The following PCDHA6 variants were observed in gnomAD, a reference collection of about 807,000 sequenced individuals.
PCDHA6 encodes the protein protocadherin alpha-6.
In PCDHA6, 55 loss-of-function variants were observed where a neutral mutation model predicts 60.3. The observed-to-expected ratio is 0.91, with a 90% CI of 0.73 to 1.14. The LOEUF (loss-of-function observed/expected upper bound fraction) is 1.14. Among genes scored for constraint, PCDHA6 ranks in the 50% most tolerant of loss-of-function variants. The pLI, the probability that PCDHA6 is intolerant of heterozygous loss-of-function variation, is 0.00. For missense variants in PCDHA6, 1,327 were observed against 1,256.5 expected, an observed-to-expected ratio of 1.06 and a Z score of -0.85; for synonymous variants, 652 against 557.9, an observed-to-expected ratio of 1.17 and a Z score of -2.38.
chr5:140,941,181 G>C (rs2092747130), intron 1 of PCDHA6, among the ~76,000 whole-genome samples: 1 of 114,608 alleles, frequency 8.7e-6, no homozygotes, highest in African/African-American at 3.2e-5. Flanking sequence ...TGAACATCCT[G>C]CTTCTTTTTT....
intron 1 of PCDHA6, chr5:140,882,756 G>T: frequency 6.2e-7 from 1 of 1,614,238 alleles, no homozygotes; most frequent in Non-Finnish European, 8.5e-7. Flanking sequence ...GCAGATATTG[G>T]AGTAAACTCG....
intron 1 of PCDHA6, among the ~76,000 whole-genome samples, chr5:140,893,391 G>A (rs1481818388): frequency 6.6e-6 from 1 of 152,158 alleles, no homozygotes; most frequent in Non-Finnish European, 1.5e-5. Context: ...AGTGGCTCAT[G>A]CCTGTAATCC....
intron 3 of PCDHA6, among the ~76,000 whole-genome samples, chr5:140,991,807 C>T (rs782693963): frequency 4.6e-5 from 7 of 152,278 alleles, no homozygotes; most frequent in Admixed American, 6.5e-5. Context: ...AGGCCACTTC[C>T]GCATTTTTAG....
At chr5:140,871,412 C>T (rs891491030) in intron 1 of PCDHA6, 2 of 1,613,976 alleles carry the variant, frequency 1.2e-6, no homozygotes, top group Non-Finnish European at 1.7e-6. Flanking sequence ...GACCTCATGG[C>T]CTTCAGCCCC....
At chr5:140,928,856 T>G (rs540865490) in intron 1 of PCDHA6, 1 of 1,614,218 alleles carries the variant, frequency 6.2e-7, no homozygotes, top group African/African-American at 1.3e-5. Context: ...CTGGGTGTGC[T>G]GTTGAGCAAC....
chr5:140,830,019 C>T lies in PCDHA6; in HGVS notation c.1928C>T (p.Pro643Leu), dbSNP rs2150179652. The change falls in exon 1 of 4, where the codon CCG becomes CTG. Residue 643 changes from proline (P) to leucine (L), a missense_variant. By Grantham distance (98) the Pro-to-Leu change is moderately conservative. Coordinates refer to ENST00000529310, the MANE Select transcript of PCDHA6 (RefSeq NM_018909.4). ...TTRVLDEADS[P>L]RHRLLVLVKD... ...CGTGTCCTGGACGAAGCGGACTCTCCGCGCCACCGGCTGCTGGTGCTGGTG... is the reference window on the plus strand; with the variant it reads ...CGTGTCCTGGACGAAGCGGACTCTCTGCGCCACCGGCTGCTGGTGCTGGTG... 3 of 1,613,890 alleles carry T rather than the reference C, an allele frequency of 1.9e-6. No individual in the cohort carries two copies. The highest frequency in any genetic ancestry group is 1.7e-5 in the Admixed American group (1 of 60,020).
chr5:140,836,075 A>G (rs2150252045), intron 1 of PCDHA6: 15 of 1,613,656 alleles, frequency 9.3e-6, no homozygotes, highest in South Asian at 2.2e-5. Context: ...ACGCGCCGGC[A>G]CTGCTGGCGC....
At chr5:140,954,367 C>T (rs246024) in intron 1 of PCDHA6, among the ~76,000 whole-genome samples, 85,692 of 152,060 alleles carry the variant, frequency 0.56, 24,769 homozygotes, top group African/African-American at 0.69. Context: ...CACACAGTCT[C>T]CCACAATGAG....
intron 1 of PCDHA6, among the ~76,000 whole-genome samples, chr5:140,837,973 C>T (rs1397012056): frequency 6.6e-6 from 1 of 151,666 alleles, no homozygotes; most frequent in Non-Finnish European, 1.5e-5. Context: ...ACAACCACAC[C>T]CAGCCTGCCT....
chr5:140,914,982 T>C (rs1411265179), intron 1 of PCDHA6, among the ~76,000 whole-genome samples: 1 of 149,996 alleles, frequency 6.7e-6, no homozygotes, highest in Non-Finnish European at 1.5e-5. Context: ...AGTCTTGCTC[T>C]GCTACCAGGC....
At chr5:140,961,558 A>T (rs1285175060) in intron 1 of PCDHA6, among the ~76,000 whole-genome samples, 1 of 151,976 alleles carries the variant, frequency 6.6e-6, no homozygotes, top group Admixed American at 6.6e-5. Context: ...TTCTTTTTTT[A>T]AATTTTGTTT....
intron 1 of PCDHA6, among the ~76,000 whole-genome samples, chr5:140,892,759 T>C (rs1422670120): frequency 2.0e-5 from 3 of 152,206 alleles, no homozygotes; most frequent in African/African-American, 4.8e-5. Context: ...ACATTTAAAA[T>C]CCACTCTTCT....
chr5:140,849,689 G>A, intron 1 of PCDHA6: 1 of 1,598,668 alleles, frequency 6.3e-7, no homozygotes, highest in South Asian at 1.1e-5. Context: ...TCAAGCTGGT[G>A]TCCACCTACA....
At position 140,905,743 on chromosome 5, in the gene PCDHA6, C is replaced by G. The variant is rs550937383; in HGVS notation, c.2395-73206C>G. On this transcript the variant is annotated intron_variant, in intron 1 of 3. Coordinates refer to ENST00000529310, the MANE Select transcript of PCDHA6 (RefSeq NM_018909.4). ...GTTTTGTAGTTTTCCTTGTAGAGAT[C>G]TTTCACCTCCTTGGTTAAGTATATT... Among the ~76,000 whole-genome samples, 7 of 152,232 alleles carry G rather than the reference C, an allele frequency of 4.6e-5. No individual in the cohort carries two copies. In the South Asian group the frequency reaches 1.0e-3, roughly 23 times the overall value.
intron 1 of PCDHA6, among the ~76,000 whole-genome samples, chr5:140,971,297 T>C (rs1246980755): frequency 4.6e-5 from 7 of 152,222 alleles, no homozygotes; most frequent in Non-Finnish European, 1.0e-4. Context: ...TGTACTTTGG[T>C]ACACAAACAT....
At chr5:140,876,561 T>G in intron 1 of PCDHA6, 2 of 1,614,162 alleles carry the variant, frequency 1.2e-6, no homozygotes, top group Non-Finnish European at 1.7e-6. Flanking sequence ...AAGAGGATGC[T>G]CAGGTGGGTA....
Position 140,849,547 on chromosome 5 carries a change from C to G in PCDHA6, c.2394+19062C>G, listed in dbSNP as rs2150440099. On this transcript the variant is annotated intron_variant, in intron 1 of 3. Transcript: ENST00000529310. ...GTAAATGACAATGCTCCACAGTTGA[C>G]TATCAAAACGCTCTCGGTTCCTGTA... 5.0e-6 allele frequency: 8 copies of G among 1,598,384 alleles called. No individual in the cohort carries two copies. The South Asian group carries it at 8.8e-5, about 18-fold the overall frequency.
chr5:140,984,861 C>A (rs1163314869), intron 3 of PCDHA6, among the ~76,000 whole-genome samples: 1 of 151,870 alleles, frequency 6.6e-6, no homozygotes, highest in Non-Finnish European at 1.5e-5. Flanking sequence ...ATAATAACAC[C>A]TATTTTATTG....
intron 1 of PCDHA6, chr5:140,835,828 C>A: frequency 6.2e-7 from 1 of 1,612,490 alleles, no homozygotes. Context: ...GCGGGGGACG[C>A]GGACGCGCAG....
Sources: allele counts gnomAD v4.1 joint callset (sites outside exome capture counted in the v4.1 genomes callset), GRCh38; gene constraint gnomAD v4.1.1; transcripts MANE v1.5; gene names NCBI Gene and HGNC (gene_info 2026-07-23, HGNC 2026-07-21).